Variants in KCNN2 observed in about 807,000 individuals in gnomAD.
The protein encoded by KCNN2 is small conductance calcium-activated potassium channel protein 2.
A neutral mutation model predicts 55.5 loss-of-function variants in KCNN2; 24 were observed. The ratio of observed to expected loss-of-function variants is 0.43; its 90% CI spans 0.31 to 0.61. The LOEUF is 0.61. KCNN2 is among the 20% of genes least tolerant of loss of function. KCNN2 has a pLI of 0.08. For synonymous variants in KCNN2, 431 were observed against 336.1 expected (o/e 1.28, Z -3.09); for missense variants, 754 against 853.6 (o/e 0.88, Z 1.45).
chr5:114,404,717 A>G lies in KCNN2; in HGVS notation c.1498A>G (p.Ile500Val). Residue 500 changes from isoleucine to valine, a missense_variant, in exon 3 of 8, where the codon ATT becomes GTT. Ile to Val is a conservative substitution (Grantham distance 29). Around this residue, in one of 4 missense-constraint regions of KCNN2, gnomAD observed 86 missense variants for 233.0 expected, o/e 0.37. Transcript: ENST00000673685. ...TTTCACTGATGCCTCCTCTAGAAGC[A>G]TTGGAGCACTTAATAAGATAAACTT... is the stretch of plus-strand genomic sequence containing the variant. Reference protein sequence around the residue: ...KLFTDASSRSIGALNKINFNT... With the variant: ...KLFTDASSRSVGALNKINFNT... 6.2e-7 allele frequency: 1 copy of G among 1,614,106 alleles called. No individual in the cohort carries two copies. Among genetic ancestry groups the G allele is most frequent in the Non-Finnish European group, 8.5e-7 (1 of 1,180,006 alleles).
intron 2 of KCNN2, among the ~76,000 whole-genome samples, chr5:114,337,783 G>A (rs1042152236): frequency 6.6e-6 from 1 of 152,070 alleles, no homozygotes; most frequent in Admixed American, 6.5e-5. Flanking sequence ...ACCCTGTAGA[G>A]CTCAGCATGA....
At chr5:114,114,078 A>G (rs1406032131) in intron 1 of KCNN2, among the ~76,000 whole-genome samples, 1 of 152,028 alleles carries the variant, frequency 6.6e-6, no homozygotes. Context: ...CTCTTTTCCA[A>G]ACTTACAATG....
chr5:114,381,697 A>T (rs1758131264), intron 2 of KCNN2, among the ~76,000 whole-genome samples: 1 of 152,162 alleles, frequency 6.6e-6, no homozygotes, highest in Non-Finnish European at 1.5e-5. Flanking sequence ...TCATTATTTC[A>T]GACGTTTTAT....
At chr5:114,327,320 A>G (rs1027514280) in intron 2 of KCNN2, among the ~76,000 whole-genome samples, 1 of 152,216 alleles carries the variant, frequency 6.6e-6, no homozygotes, top group Admixed American at 6.5e-5. Flanking sequence ...AGATCAACCT[A>G]TGCGGGAGCA....
chr5:114,375,736 A>G (rs547139852), intron 2 of KCNN2, among the ~76,000 whole-genome samples: 26 of 152,032 alleles, frequency 1.7e-4, no homozygotes, highest in South Asian at 1.2e-3. Flanking sequence ...TGTCAGCATC[A>G]AAGAGGATAT....
At position 114,090,252 on chromosome 5, in the gene KCNN2, G is replaced by A. The variant is rs146258733; in HGVS notation, c.-271+33752G>A. On this transcript the variant is annotated intron_variant, in intron 1 of 10. Transcript: ENST00000512097. ...AAGTAAAGCTTTACAGTGGCAAGAA[G>A]CCTTAAGGATGAGGAAGAAATTAGG... 1.3e-3 allele frequency among the ~76,000 whole-genome samples: 205 copies of A among 152,248 alleles called. 2 individuals carry two copies. Among genetic ancestry groups the A allele is most frequent in the Non-Finnish European group, 2.5e-3 (167 of 68,018 alleles).
intron 2 of KCNN2, among the ~76,000 whole-genome samples, chr5:114,373,020 A>G (rs1310146896): frequency 6.6e-6 from 1 of 152,202 alleles, no homozygotes; most frequent in Non-Finnish European, 1.5e-5. Flanking sequence ...TTACTGAATT[A>G]AAGGGTATTA....
At position 114,496,468 on chromosome 5, in the gene KCNN2, A is replaced by T; in HGVS notation, c.*286A>T. 3.9e-6 allele frequency: 1 copy of T among 258,564 alleles called. No homozygotes were observed. The highest frequency in any genetic ancestry group is 7.4e-5 in the East Asian group (1 of 13,434). 16.0% of individuals were successfully genotyped at this position (258,564 alleles called of 1,614,324 possible). Reference sequence around the variant, plus strand: ...ACAAACTTTACTACTACATTATATGATATATAATAAAAAAAGTTAATTTCT... The same window carrying T: ...ACAAACTTTACTACTACATTATATGTTATATAATAAAAAAAGTTAATTTCT... On this transcript the variant is annotated 3_prime_UTR_variant, in exon 8 of 8. Coordinates refer to ENST00000673685, the MANE Select transcript of KCNN2 (RefSeq NM_021614.4).
At chr5:114,313,981 C>T (rs1490025113) in intron 2 of KCNN2, among the ~76,000 whole-genome samples, 2 of 152,022 alleles carry the variant, frequency 1.3e-5, no homozygotes, top group Non-Finnish European at 2.9e-5. Context: ...ACTACTTAAT[C>T]AACTTCGATG....
At chr5:114,090,118 T>G (rs973067089) in intron 1 of KCNN2, among the ~76,000 whole-genome samples, 6 of 152,200 alleles carry the variant, frequency 3.9e-5, no homozygotes, top group Non-Finnish European at 8.8e-5. Flanking sequence ...TCCAGATATC[T>G]TTTTATATAT....
intron 2 of KCNN2, among the ~76,000 whole-genome samples, chr5:114,333,206 C>G (rs773058559): frequency 3.9e-5 from 6 of 152,104 alleles, no homozygotes; most frequent in Non-Finnish European, 5.9e-5. Context: ...GAAGATAAAA[C>G]ACGGGAGCCG....
intron 1 of KCNN2, among the ~76,000 whole-genome samples, chr5:114,202,790 G>T (rs1183673685): frequency 6.6e-6 from 1 of 151,806 alleles, no homozygotes; most frequent in Non-Finnish European, 1.5e-5. Context: ...GTTTCACCGT[G>T]TTAGCCAGGA....
intron 2 of KCNN2, among the ~76,000 whole-genome samples, chr5:114,335,009 T>C (rs1030625750): frequency 6.6e-6 from 1 of 152,096 alleles, no homozygotes; most frequent in Non-Finnish European, 1.5e-5. Flanking sequence ...CTGCAAGCTC[T>C]GCCTTCTGGG....
At chr5:114,321,602 C>G (rs1756614128) in intron 2 of KCNN2, among the ~76,000 whole-genome samples, 1 of 151,922 alleles carries the variant, frequency 6.6e-6, no homozygotes, top group African/African-American at 2.4e-5. Context: ...TGTAATGGAC[C>G]TCTTGCCATC....
intron 3 of KCNN2, among the ~76,000 whole-genome samples, chr5:114,457,966 C>T (rs1761006745): frequency 6.6e-6 from 1 of 152,188 alleles, no homozygotes; most frequent in Non-Finnish European, 1.5e-5. Context: ...GAGTATAAAT[C>T]TAGTTCTCTG....
chr5:114,251,907 C>G (rs1168323055), intron 2 of KCNN2, among the ~76,000 whole-genome samples: 2 of 133,572 alleles, frequency 1.5e-5, no homozygotes, highest in African/African-American at 5.6e-5. Flanking sequence ...GAGACAGGAT[C>G]TCGCTCTGTC....
intron 2 of KCNN2, among the ~76,000 whole-genome samples, chr5:114,377,085 A>T (rs13182997): frequency 0.34 from 51,495 of 152,050 alleles, 8,901 homozygotes; most frequent in African/African-American, 0.36. Flanking sequence ...CTCTTAAAAA[A>T]ATAAAATAAA....
At chr5:114,146,436 G>T (rs1752399208) in intron 1 of KCNN2, among the ~76,000 whole-genome samples, 4 of 152,092 alleles carry the variant, frequency 2.6e-5, no homozygotes, top group Admixed American at 2.6e-4. Context: ...CAATAGGCTG[G>T]ACCGTTGTCT....
chr5:114,235,891 A>T (rs367642805), intron 2 of KCNN2, among the ~76,000 whole-genome samples: 2 of 152,198 alleles, frequency 1.3e-5, no homozygotes, highest in South Asian at 4.1e-4. Flanking sequence ...AAACGGCTGG[A>T]TGATTTGCTG....
Sources: gnomAD v4.1 joint callset for allele counts (sites outside exome capture counted in the v4.1 genomes callset) on GRCh38, gnomAD v4.1.1 for gene constraint, gnomAD v4.1.1 regional missense constraint, MANE v1.5 for transcripts, NCBI Gene and HGNC (gene_info 2026-07-23, HGNC 2026-07-21) for gene names.